The following IL6ST variants were observed in gnomAD, a reference collection of about 807,000 sequenced individuals.
IL6ST encodes interleukin 6 cytokine family signal transducer.
Under a neutral mutation model 91.3 loss-of-function variants are expected in IL6ST, and 24 were observed. That is an observed-to-expected ratio of 0.26 (90% confidence interval 0.19 to 0.37). The LOEUF (loss-of-function observed/expected upper bound fraction) is 0.37. IL6ST is among the 10% of genes least tolerant of loss of function. The pLI, the probability that IL6ST is intolerant of heterozygous loss-of-function variation, is 1.00. For synonymous variants in IL6ST, 351 were observed against 373.6 expected, an observed-to-expected ratio of 0.94 and a Z score of 0.70; for missense variants, 914 against 1,078.5, an observed-to-expected ratio of 0.85 and a Z score of 2.14.
At chr5:55,950,940 TAAGACC>T (rs1162152573) in intron 14 of IL6ST, among the ~76,000 whole-genome samples, 6 of 139,426 alleles carry the variant, frequency 4.3e-5, no homozygotes, top group Non-Finnish European at 6.3e-5. Flanking sequence ...GGCAACAGAG[TAAGACC>T]CTGCCTCCAA....
At chr5:55,974,588 G>A (rs1201474828) in intron 3 of IL6ST, among the ~76,000 whole-genome samples, 2 of 137,842 alleles carry the variant, frequency 1.5e-5, no homozygotes, top group Non-Finnish European at 2.9e-5. Context: ...AGGCTCAAGC[G>A]ATTCTCCTGC....
Position 55,955,923 on chromosome 5 carries a change from A to G in IL6ST, c.1267+102T>C, listed in dbSNP as rs1751927653. ...AAACAAGTGATTATCCCTGATACTG[A>G]GGAGACAGTCTTAGATAACTTGTGT... On this transcript the variant is annotated intron_variant, in intron 10 of 16. Transcript: ENST00000381298. 3.9e-5 allele frequency: 26 copies of G among 662,498 alleles called. No homozygotes were observed. The South Asian group carries it at 5.3e-4, about 14-fold the overall frequency. 41.0% of individuals were successfully genotyped at this position (662,498 alleles called of 1,614,324 possible).
chr5:55,968,118 C>T (rs540162838), intron 5 of IL6ST, among the ~76,000 whole-genome samples, 158 bp downstream of exon 5: 53 of 152,162 alleles, frequency 3.5e-4, no homozygotes, highest in African/African-American at 1.2e-3. Context: ...TGAGCCACCG[C>T]GCCTGGCCTC....
chr5:55,985,137 T>C (rs1366953123), intron 1 of IL6ST, among the ~76,000 whole-genome samples: 1 of 152,246 alleles, frequency 6.6e-6, no homozygotes, highest in Non-Finnish European at 1.5e-5. Context: ...AACAGTATCT[T>C]TTGACGAATA....
intron 5 of IL6ST, among the ~76,000 whole-genome samples, chr5:55,967,774 C>G (rs1016573697): frequency 4.6e-5 from 7 of 151,996 alleles, no homozygotes; most frequent in Admixed American, 3.9e-4. Flanking sequence ...GGGTATTCTA[C>G]TATTCTTTCT....
At chr5:55,981,557 C>G (rs2111893556) in intron 2 of IL6ST, among the ~76,000 whole-genome samples, 1 of 152,148 alleles carries the variant, frequency 6.6e-6, no homozygotes, top group East Asian at 1.9e-4. Context: ...GTAGGAGAAT[C>G]ACTTGAACCT....
chr5:55,957,280 CT>C lies in IL6ST; in HGVS notation c.984del (p.Ala329HisfsTer8). 1 of 1,537,718 alleles carries C rather than the reference CT, an allele frequency of 6.5e-7. No homozygotes were observed. The highest frequency in any genetic ancestry group is 8.9e-7 in the Non-Finnish European group (1 of 1,127,762). ...SGITYEDRPS[K>X]APSFWYKIDP... ...TCTATTTTATACCAGAAACTTGGTG[CT>C]TTAGATGGTCCTAAAGAAAAGACAT... is the stretch of plus-strand genomic sequence containing the variant. On this transcript the variant is annotated frameshift_variant, in exon 9 of 17. Coordinates refer to ENST00000381298, the MANE Select transcript of IL6ST (RefSeq NM_002184.4). LOFTEE classifies it high-confidence loss of function.
Position 55,952,094 on chromosome 5 carries a change from A to G in IL6ST, c.1553-19T>C. On this transcript the variant is annotated intron_variant, in intron 12 of 16. Coordinates refer to ENST00000381298, the MANE Select transcript of IL6ST (RefSeq NM_002184.4). Reference sequence around the variant, plus strand: ...GAAGGTGCTGTAACAGAGTGAACACATTTGCTAACTGAAAATCATTTACAA... The same window carrying G: ...GAAGGTGCTGTAACAGAGTGAACACGTTTGCTAACTGAAAATCATTTACAA... 6.3e-7 allele frequency: 1 copy of G among 1,596,496 alleles called. No homozygotes were observed. Among genetic ancestry groups the G allele is most frequent in the Non-Finnish European group, 8.5e-7 (1 of 1,173,032 alleles).
chr5:55,961,542 G>C (rs930205844), intron 7 of IL6ST, among the ~76,000 whole-genome samples: 4 of 152,166 alleles, frequency 2.6e-5, no homozygotes, highest in Non-Finnish European at 1.5e-5. Flanking sequence ...TGGATCACCT[G>C]AGGTCTGGAG....
chr5:55,981,307 T>C (rs944298510), intron 2 of IL6ST, among the ~76,000 whole-genome samples: 2 of 152,268 alleles, frequency 1.3e-5, no homozygotes, highest in South Asian at 2.1e-4. Flanking sequence ...ATATAAAATA[T>C]TATATGCAAT....
chr5:55,952,583 G>A (rs1751703689), intron 11 of IL6ST, among the ~76,000 whole-genome samples: 1 of 152,038 alleles, frequency 6.6e-6, no homozygotes, highest in African/African-American at 2.4e-5. Flanking sequence ...GAACAATGAT[G>A]GTATTTACAT....
Position 55,964,155 on chromosome 5 carries a change from C to G in IL6ST, c.649G>C (p.Val217Leu), listed in dbSNP as rs183743555. 1.3e-5 allele frequency: 20 copies of G among 1,589,798 alleles called. No homozygotes were observed. The highest frequency in any genetic ancestry group is 7.0e-5 in the Admixed American group (4 of 57,330). Residue 217 changes from valine to leucine, a missense_variant, in exon 6 of 17, where the codon GTA becomes CTA. Physicochemically the swap from Val to Leu is conservative, Grantham distance 32 (BLOSUM62 1). Transcript: ENST00000381298. Reference protein sequence around the residue: ...VTSDHINFDPVYKVKPNPPHN... With the variant: ...VTSDHINFDPLYKVKPNPPHN... ...TCAGGTTTATAACTACCTTTATATACAGGATCAAAATTGATATGATCTGAT... is the reference window on the plus strand; with the variant it reads ...TCAGGTTTATAACTACCTTTATATAGAGGATCAAAATTGATATGATCTGAT...
At position 55,939,174 on chromosome 5, in the gene IL6ST, A is replaced by G. The variant is rs1327679451; in HGVS notation, c.*1908T>C. On this transcript the variant is annotated 3_prime_UTR_variant, in exon 17 of 17. Coordinates refer to ENST00000381298, the MANE Select transcript of IL6ST (RefSeq NM_002184.4). ...ACATACAGCAAGACAAATCCAGCCC[A>G]GCCTTTGATGATCAACTTAAAAGCT... 8.0e-5 allele frequency: 17 copies of G among 213,088 alleles called. No individual in the cohort carries two copies. The East Asian group carries it at 1.2e-3, about 15-fold the overall frequency. 13.2% of individuals were successfully genotyped at this position (213,088 alleles called of 1,614,324 possible).
At chr5:55,959,140 C>T (rs1752159702) in intron 8 of IL6ST, among the ~76,000 whole-genome samples, 1 of 152,172 alleles carries the variant, frequency 6.6e-6, no homozygotes, top group African/African-American at 2.4e-5. Flanking sequence ...TAAAAATGCA[C>T]ACAGGCACTA....
At chr5:55,944,461 A>T (rs1443144589) in intron 15 of IL6ST, among the ~76,000 whole-genome samples, 2 of 152,224 alleles carry the variant, frequency 1.3e-5, no homozygotes, top group Non-Finnish European at 2.9e-5. Flanking sequence ...AATAACAAAA[A>T]ATACTTTTGT....
At position 55,955,048 on chromosome 5, in the gene IL6ST, C is replaced by A. The variant is rs1580807309; in HGVS notation, c.1268-56G>T. ...TAAATATTAACAAATTTGAAATTTCCATATTTTACAGTCATTTCCAAAACA... is the reference window on the plus strand; with the variant it reads ...TAAATATTAACAAATTTGAAATTTCAATATTTTACAGTCATTTCCAAAACA... On this transcript the variant is annotated intron_variant, in intron 10 of 16. Coordinates refer to ENST00000381298, the MANE Select transcript of IL6ST (RefSeq NM_002184.4). The A allele has an allele frequency of 3.3e-6, 4 of 1,219,660 alleles. No individual in the cohort carries two copies. The East Asian group carries it at 9.8e-5, about 30-fold the overall frequency. 75.6% of individuals were successfully genotyped at this position (1,219,660 alleles called of 1,614,324 possible). A position where few individuals can be genotyped will look rare whatever the true frequency, so the allele number is the denominator to read the frequency against.
In IL6ST at chr5:55,938,257, A is replaced by C. The variant is rs575794503; in HGVS notation, c.*2825T>G. ...TTAGGTAGAGAAGAGGTATGAACAC[A>C]GAACATGTGAATGAAATTTGCTTTT... is the stretch of plus-strand genomic sequence containing the variant. On this transcript the variant is annotated 3_prime_UTR_variant, in exon 17 of 17. Transcript: ENST00000381298. 52 of 193,272 alleles carry C rather than the reference A, an allele frequency of 2.7e-4. No individual in the cohort carries two copies. The highest frequency in any genetic ancestry group is 1.2e-3 in the African/African-American group (50 of 43,276). The allele number at this position is 193,272 out of a possible 1,614,324, so 12.0% of individuals were successfully genotyped here.
intron 1 of IL6ST, among the ~76,000 whole-genome samples, chr5:55,988,329 T>C (rs539209110): frequency 6.6e-6 from 1 of 152,158 alleles, no homozygotes; most frequent in African/African-American, 2.4e-5. Flanking sequence ...GTGAATGATA[T>C]GATCATCTAT....
chr5:55,946,943 C>T (rs1175220915), intron 15 of IL6ST, among the ~76,000 whole-genome samples: 1 of 151,572 alleles, frequency 6.6e-6, no homozygotes, highest in Non-Finnish European at 1.5e-5. Context: ...CCGTGGCTCA[C>T]ACCTGTAATC....
Sources: allele counts gnomAD v4.1 joint callset (sites outside exome capture counted in the v4.1 genomes callset), GRCh38; gene constraint gnomAD v4.1.1; transcripts MANE v1.5; gene names NCBI Gene and HGNC (gene_info 2026-07-23, HGNC 2026-07-21).